Variants in CCZ1 observed in about 807,000 individuals in gnomAD.
CCZ1 encodes vacuolar fusion protein CCZ1 homolog.
Under a neutral mutation model 57.8 loss-of-function variants are expected in CCZ1, and 19 were observed. That is an observed-to-expected ratio of 0.33 (90% CI 0.23 to 0.48). The LOEUF is 0.48. Among genes scored for constraint, CCZ1 ranks in the 20% least tolerant of loss-of-function variants. The pLI is 0.99. For synonymous variants in CCZ1, 81 were observed against 167.0 expected, an observed-to-expected ratio of 0.49 and a Z score of 3.97; for missense variants, 200 against 492.0, an observed-to-expected ratio of 0.41 and a Z score of 5.61.
intron 14 of CCZ1, among the ~76,000 whole-genome samples, chr7:5,924,228 G>A (rs1779308364): frequency 1.4e-5 from 1 of 70,922 alleles, no homozygotes; most frequent in South Asian, 4.6e-4. Context: ...ATTAAGAAAT[G>A]TCCCCCTTTT....
intron 5 of CCZ1, 73 bp downstream of exon 5, chr7:5,901,777 A>C: frequency 6.4e-7 from 1 of 1,565,270 alleles, no homozygotes; most frequent in Non-Finnish European, 8.6e-7. Context: ...GGTTGTTTAA[A>C]GAGAAATCTG....
chr7:5,921,841 CTGTTT>C (rs1779245752), intron 12 of CCZ1, among the ~76,000 whole-genome samples: 1 of 135,230 alleles, frequency 7.4e-6, no homozygotes, highest in African/African-American at 2.7e-5. Context: ...AACGTGTCAC[CTGTTT>C]TGTTTTTTTG....
intron 12 of CCZ1, among the ~76,000 whole-genome samples, chr7:5,921,053 G>A (rs1288690929): frequency 1.1e-5 from 1 of 93,818 alleles, no homozygotes; most frequent in Non-Finnish European, 2.1e-5. Flanking sequence ...CCAGGTTCAA[G>A]CGATTCTCCT....
intron 10 of CCZ1, among the ~76,000 whole-genome samples, chr7:5,914,608 G>A (rs1483230059): frequency 6.7e-6 from 1 of 149,130 alleles, no homozygotes; most frequent in Admixed American, 6.6e-5. Flanking sequence ...GGGCATGGTG[G>A]CTCATGCCTA....
Position 5,911,949 on chromosome 7 carries a change from A to G in CCZ1, c.842+27A>G, listed in dbSNP as rs1176977098. ...TAGGACTTCTGTTCTTTGATTTATG[A>G]TACTGGGTTTTCTTTCTTTTTTGAC... On this transcript the variant is annotated intron_variant, in intron 9 of 14. Transcript: ENST00000325974. The G allele has an allele frequency of 6.5e-6, 10 of 1,537,298 alleles. No individual in the cohort carries two copies. The African/African-American group carries it at 1.2e-4, about 18-fold the overall frequency.
At chr7:5,907,536 A>G (rs1283977354) in intron 7 of CCZ1, among the ~76,000 whole-genome samples, 1 of 147,014 alleles carries the variant, frequency 6.8e-6, no homozygotes, top group African/African-American at 2.5e-5. Flanking sequence ...AGAGTGAGGA[A>G]GAGGGAAGGC....
chr7:5,910,077 C>G lies in CCZ1; in HGVS notation c.741C>G (p.Tyr247Ter). ...ATGACATGAGAATTTTATACAAATA[C>G]CTTACCACCTCCCTTTTTCCAAGGC... Reference protein sequence around the residue: ...EQDDMRILYKYLTTSLFPRHI... With the variant: ...EQDDMRILYK Residue 247 changes from tyrosine (Y) to a stop codon, truncating the protein, a stop_gained, in exon 8 of 15, where the codon TAC becomes TAG. Coordinates refer to ENST00000325974, the MANE Select transcript of CCZ1 (RefSeq NM_015622.6). LOFTEE classifies it high-confidence loss of function. 6 of 1,583,560 alleles carry G rather than the reference C, an allele frequency of 3.8e-6. No homozygotes were observed. Among genetic ancestry groups the G allele is most frequent in the Non-Finnish European group, 5.2e-6 (6 of 1,157,970 alleles).
chr7:5,913,083 A>G (rs1457977227), intron 10 of CCZ1, 129 bp downstream of exon 10: 2 of 731,854 alleles, frequency 2.7e-6, no homozygotes, highest in African/African-American at 3.6e-5. Context: ...TGATTATGGT[A>G]AAACTCAAAA....
chr7:5,912,260 TTATCTTTTTGGTAAAGATA>T (rs1285194799), intron 9 of CCZ1, among the ~76,000 whole-genome samples: 1 of 135,066 alleles, frequency 7.4e-6, no homozygotes, highest in Non-Finnish European at 1.6e-5. Flanking sequence ...GCGTGGCCTA[TTATCTTTTTGGTAAAGATA>T]ATATGGACAT....
intron 12 of CCZ1, among the ~76,000 whole-genome samples, chr7:5,922,154 TCA>T (rs1391932390): frequency 1.7e-5 from 2 of 120,328 alleles, no homozygotes; most frequent in Admixed American, 8.7e-5. Flanking sequence ...GCTCCTGGCC[TCA>T]CAGAGTGTTT....
rs1460733510 is a variant in CCZ1, at chr7:5,898,741, C to T, written c.-59C>T. 31 of 364,496 alleles carry T rather than the reference C, an allele frequency of 8.5e-5. No individual in the cohort carries two copies. The highest frequency in any genetic ancestry group is 1.3e-4 in the African/African-American group (5 of 38,664). The allele number at this position is 364,496 out of a possible 1,614,324, so 22.6% of individuals were successfully genotyped here. On this transcript the variant is annotated 5_prime_UTR_variant, in exon 1 of 15. Transcript: ENST00000325974. ...GGAGGCGGAAGTGCGGTGTTTTAGCCGGTGGCTGCTGTCTCTGGGCGGGCC... is the reference window on the plus strand; with the variant it reads ...GGAGGCGGAAGTGCGGTGTTTTAGCTGGTGGCTGCTGTCTCTGGGCGGGCC...
At chr7:5,922,955 G>T (rs1279794015) in intron 12 of CCZ1, among the ~76,000 whole-genome samples, 1 of 149,720 alleles carries the variant, frequency 6.7e-6, no homozygotes, top group Non-Finnish European at 1.5e-5. Flanking sequence ...CTGTCATTTT[G>T]GTGGGAAAGC....
Position 5,910,092 on chromosome 7 carries a change from T to C in CCZ1, c.756T>C (p.Leu252=), listed in dbSNP as rs148897176. The change falls in exon 8 of 15, where the codon CTT becomes CTC. Residue 252 remains leucine (L), a synonymous_variant. Coordinates refer to ENST00000325974, the MANE Select transcript of CCZ1 (RefSeq NM_015622.6). ...TATACAAATACCTTACCACCTCCCT[T>C]TTTCCAAGGCACATCGAACCTGAGG... ...RILYKYLTTS[L]FPRHIEPELA... 1.5e-3 allele frequency: 2,333 copies of C among 1,572,902 alleles called. 40 individuals carry two copies. The highest frequency in any genetic ancestry group is 2.2e-3 in the Admixed American group (128 of 57,068).
rs139794391 is a variant in CCZ1 at position 5,901,694 on chromosome 7, G to T, written c.428G>T (p.Ser143Ile). The T allele has an allele frequency of 5.0e-6, 8 of 1,598,802 alleles. No individual in the cohort carries two copies. The highest frequency in any genetic ancestry group is 6.8e-6 in the Non-Finnish European group (8 of 1,176,850). ...AGCTCGGTGCTGCGGCAGTGCTACA[G>T]CATGTACAAGGTAAGCGTGGCGTTC... ...VYSSVLRQCY[S>I]MYKLFNGTFL... Residue 143 changes from serine (S) to isoleucine (I), a missense_variant, in exon 5 of 15, where the codon AGC becomes ATC. Around this residue, in one of 5 missense-constraint regions of CCZ1, gnomAD observed 128 missense variants for 178.4 expected, o/e 0.72. Transcript: ENST00000325974.
chr7:5,913,904 GC>G (rs1363095801), intron 10 of CCZ1, among the ~76,000 whole-genome samples: 2 of 138,986 alleles, frequency 1.4e-5, no homozygotes, highest in Non-Finnish European at 3.1e-5. Flanking sequence ...ACCCAGAGTG[GC>G]TAACGTGGAT....
In CCZ1 at chr7:5,924,208, A is replaced by AAAG. The variant is rs377383744; in HGVS notation, c.1393+246_1393+247insAAG. 5.7e-3 allele frequency among the ~76,000 whole-genome samples: 325 copies of AAAG among 56,892 alleles called. 12 individuals carry two copies. The highest frequency in any genetic ancestry group is 0.014 in the African/African-American group (222 of 15,818). 37.3% of individuals were successfully genotyped at this position (56,892 alleles called of 152,430 possible). A position where few individuals can be genotyped will look rare whatever the true frequency, so the allele number is the denominator to read the frequency against. ...CTACAATTCTAAAAAAAAAAAAAAA[A>AAAG]TGACTTTATATTAAGAAATGTCCCC... On this transcript the variant is annotated intron_variant, in intron 14 of 14. Coordinates refer to ENST00000325974, the MANE Select transcript of CCZ1 (RefSeq NM_015622.6).
In CCZ1 at chr7:5,922,716, A is replaced by T. The variant is rs1306534982; in HGVS notation, c.1107-671A>T. Among the ~76,000 whole-genome samples, 4 of 151,034 alleles carry T rather than the reference A, an allele frequency of 2.6e-5. No homozygotes were observed. In the East Asian group the frequency reaches 7.7e-4, roughly 29 times the overall value. Reference sequence around the variant, plus strand: ...GCAGTGGAAAAGGCGACTGCGTTTTACAGTGATGTCCACTGGGGATGATAT... The same window carrying T: ...GCAGTGGAAAAGGCGACTGCGTTTTTCAGTGATGTCCACTGGGGATGATAT... On this transcript the variant is annotated intron_variant, in intron 12 of 14. Transcript: ENST00000325974.
At chr7:5,910,338 G>C in intron 8 of CCZ1, 1 of 416,000 alleles carries the variant, frequency 2.4e-6, no homozygotes, top group Non-Finnish European at 4.2e-6. Flanking sequence ...CGTTTTGTGT[G>C]TCTGTGTGTT....
intron 10 of CCZ1, among the ~76,000 whole-genome samples, chr7:5,913,522 G>T (rs539982088): frequency 0.018 from 2,679 of 150,370 alleles, no homozygotes; most frequent in South Asian, 0.049. Flanking sequence ...ATGATGCCGT[G>T]GGGGAACAGG....
Sources: allele counts gnomAD v4.1 joint callset (sites outside exome capture counted in the v4.1 genomes callset), GRCh38; gene constraint gnomAD v4.1.1; regional missense constraint gnomAD v4.1.1; transcripts MANE v1.5; gene names NCBI Gene and HGNC (gene_info 2026-07-23, HGNC 2026-07-21).